Variants in ST6GALNAC3 observed in about 807,000 individuals in gnomAD.
ST6GALNAC3 encodes ST6 N-acetylgalactosaminide alpha-2,6-sialyltransferase 3.
In ST6GALNAC3, 25 loss-of-function variants were observed where a neutral mutation model predicts 32.7. That is an observed-to-expected ratio of 0.76 (90% CI 0.56 to 1.07). The LOEUF (loss-of-function observed/expected upper bound fraction) is 1.07, where lower values mean the gene tolerates loss of function less well. Among genes scored for constraint, ST6GALNAC3 ranks in the 50% least tolerant of loss-of-function variants. ST6GALNAC3 has a pLI of 0.00. For missense variants in ST6GALNAC3, 355 were observed against 382.4 expected (o/e 0.93, Z 0.60); for synonymous variants, 129 against 133.1 (o/e 0.97, Z 0.21).
chr1:76,143,392 C>T (rs377343936), intron 1 of ST6GALNAC3, among the ~76,000 whole-genome samples: 47 of 142,350 alleles, frequency 3.3e-4, no homozygotes, highest in African/African-American at 9.1e-4. Context: ...CTTACCAAGT[C>T]GTGTGTGTGT....
chr1:76,444,899 C>T (rs1429674807), intron 3 of ST6GALNAC3, among the ~76,000 whole-genome samples: 2 of 152,178 alleles, frequency 1.3e-5, no homozygotes, highest in Non-Finnish European at 2.9e-5. Flanking sequence ...GGTCATCAAT[C>T]TACATTTCAT....
intron 3 of ST6GALNAC3, among the ~76,000 whole-genome samples, chr1:76,577,668 C>G (rs1253968659): frequency 6.6e-6 from 1 of 151,914 alleles, no homozygotes; most frequent in Non-Finnish European, 1.5e-5. Flanking sequence ...ACTGTCCTCC[C>G]AGCATTGTGC....
intron 1 of ST6GALNAC3, among the ~76,000 whole-genome samples, chr1:76,110,977 G>C (rs184739936): frequency 6.6e-6 from 1 of 152,266 alleles, no homozygotes; most frequent in East Asian, 1.9e-4. Context: ...AGAAAATAGA[G>C]GAGAAGAGAC....
intron 3 of ST6GALNAC3, among the ~76,000 whole-genome samples, chr1:76,602,730 G>T (rs1647292195): frequency 6.6e-6 from 1 of 151,550 alleles, no homozygotes; most frequent in South Asian, 2.1e-4. Context: ...TAATGTATTG[G>T]TTTTTTAATT....
intron 1 of ST6GALNAC3, among the ~76,000 whole-genome samples, chr1:76,260,861 C>A (rs1658187625): frequency 6.6e-6 from 1 of 151,910 alleles, no homozygotes; most frequent in African/African-American, 2.4e-5. Flanking sequence ...TAACAATAAA[C>A]CAAGGACATC....
At chr1:76,478,527 C>G (rs191367721) in intron 3 of ST6GALNAC3, among the ~76,000 whole-genome samples, 19 of 152,182 alleles carry the variant, frequency 1.2e-4, no homozygotes, top group Non-Finnish European at 2.4e-4. Flanking sequence ...AGGGAGACTT[C>G]AATTCCTCAC....
intron 2 of ST6GALNAC3, among the ~76,000 whole-genome samples, chr1:76,375,033 A>G (rs1423437975): frequency 1.3e-5 from 2 of 152,132 alleles, no homozygotes; most frequent in East Asian, 1.9e-4. Context: ...AGAGGTTGCA[A>G]ATTCCAAAAA....
chr1:76,080,971 G>C (rs1455124265), intron 1 of ST6GALNAC3, among the ~76,000 whole-genome samples: 2 of 152,150 alleles, frequency 1.3e-5, no homozygotes, highest in Non-Finnish European at 2.9e-5. Context: ...TGAGTGGCTT[G>C]GGTAAAAGTA....
Position 76,630,530 on chromosome 1 carries a change from A to G in ST6GALNAC3, c.*1724A>G. The G allele has an allele frequency of 1.0e-6, 1 of 985,308 alleles. No individual in the cohort carries two copies. Among genetic ancestry groups the G allele is most frequent in the Non-Finnish European group, 1.2e-6 (1 of 829,854 alleles). The allele number at this position is 985,308 out of a possible 1,614,324, so 61.0% of individuals were successfully genotyped here. On this transcript the variant is annotated 3_prime_UTR_variant, in exon 5 of 5. Coordinates refer to ENST00000328299, the MANE Select transcript of ST6GALNAC3 (RefSeq NM_152996.4). ...CAAAAACATCCTTGCAGAATGATTCAAAAGACAAAAGCCAGGCTCAACTTA... is the reference window on the plus strand; with the variant it reads ...CAAAAACATCCTTGCAGAATGATTCGAAAGACAAAAGCCAGGCTCAACTTA...
intron 2 of ST6GALNAC3, among the ~76,000 whole-genome samples, chr1:76,345,183 C>A (rs528870251): frequency 6.6e-6 from 1 of 152,152 alleles, no homozygotes; most frequent in South Asian, 2.1e-4. Flanking sequence ...GGCTCCTTCT[C>A]CCCCGGACAG....
chr1:76,531,356 G>T (rs1447967417), intron 3 of ST6GALNAC3, among the ~76,000 whole-genome samples: 1 of 152,164 alleles, frequency 6.6e-6, no homozygotes, highest in African/African-American at 2.4e-5. Flanking sequence ...GCAGCCTGGG[G>T]CAAGGTGGCA....
chr1:76,124,559 T>C (rs963185620), intron 1 of ST6GALNAC3, among the ~76,000 whole-genome samples: 1 of 152,138 alleles, frequency 6.6e-6, no homozygotes, highest in Non-Finnish European at 1.5e-5. Flanking sequence ...CTGGCTCTGA[T>C]TTCCATTTCA....
chr1:76,265,520 G>A (rs766934223), intron 1 of ST6GALNAC3, among the ~76,000 whole-genome samples: 5 of 151,902 alleles, frequency 3.3e-5, no homozygotes, highest in Non-Finnish European at 7.4e-5. Context: ...AAGAAGCTTC[G>A]TACCCACCAA....
At chr1:76,493,027 C>T (rs1482519730) in intron 3 of ST6GALNAC3, among the ~76,000 whole-genome samples, 1 of 151,002 alleles carries the variant, frequency 6.6e-6, no homozygotes, top group Non-Finnish European at 1.5e-5. Context: ...AGAGTTGACA[C>T]CTTCTTTTTT....
intron 3 of ST6GALNAC3, among the ~76,000 whole-genome samples, chr1:76,532,531 CAT>C (rs1007158002): frequency 6.6e-6 from 1 of 151,998 alleles, no homozygotes; most frequent in African/African-American, 2.4e-5. Flanking sequence ...CCAAACGTAA[CAT>C]AGAAATCGGG....
intron 3 of ST6GALNAC3, among the ~76,000 whole-genome samples, chr1:76,613,082 T>C (rs1648042067): frequency 6.6e-6 from 1 of 152,186 alleles, no homozygotes; most frequent in Non-Finnish European, 1.5e-5. Flanking sequence ...AGACAGTAGC[T>C]GCCAACAGAG....
intron 3 of ST6GALNAC3, among the ~76,000 whole-genome samples, chr1:76,592,440 A>G (rs971744585): frequency 1.3e-5 from 2 of 152,184 alleles, no homozygotes; most frequent in Non-Finnish European, 2.9e-5. Flanking sequence ...GGTTGAGAAA[A>G]TGCAAGATCA....
intron 1 of ST6GALNAC3, among the ~76,000 whole-genome samples, chr1:76,310,335 A>T (rs2100882298): frequency 6.6e-6 from 1 of 152,276 alleles, no homozygotes; most frequent in African/African-American, 2.4e-5. Flanking sequence ...GGACATAATG[A>T]TTCCACAGAG....
intron 3 of ST6GALNAC3, among the ~76,000 whole-genome samples, chr1:76,523,697 G>A (rs1311567552): frequency 1.3e-5 from 2 of 152,116 alleles, no homozygotes; most frequent in African/African-American, 4.8e-5. Flanking sequence ...CACTGGGAGA[G>A]TACAAAATGT....
Sources: allele counts gnomAD v4.1 joint callset (sites outside exome capture counted in the v4.1 genomes callset), GRCh38; gene constraint gnomAD v4.1.1; transcripts MANE v1.5; gene names NCBI Gene and HGNC (gene_info 2026-07-23, HGNC 2026-07-21).